The following POLR1A variants were observed in gnomAD, a reference collection of about 807,000 sequenced individuals.
The protein encoded by POLR1A is RNA polymerase I subunit A.
POLR1A carries 84 observed loss-of-function variants against 205.3 expected under a neutral mutation model. The ratio of observed to expected loss-of-function variants is 0.41; its 90% CI spans 0.34 to 0.49. The LOEUF (loss-of-function observed/expected upper bound fraction) is 0.49, where lower values mean the gene tolerates loss of function less well. Among genes scored for constraint, POLR1A ranks in the 20% least tolerant of loss-of-function variants. The pLI is 0.22. For synonymous variants in POLR1A, 799 were observed against 863.7 expected (o/e 0.93, Z 1.31); for missense variants, 1,645 against 2,204.5 (o/e 0.75, Z 5.08).
In POLR1A at chr2:86,027,370, C is replaced by T; in HGVS notation, c.*53G>A. On this transcript the variant is annotated 3_prime_UTR_variant, in exon 34 of 34. Transcript: ENST00000263857. ...CCTCTCATGCAGAAGGCAGGCTGGG[C>T]CACGCCCTCACCAAGGGTCCTTGGA... The T allele has an allele frequency of 6.9e-7, 1 of 1,442,238 alleles. No homozygotes were observed. The highest frequency in any genetic ancestry group is 2.3e-5 in the East Asian group (1 of 44,098). 89.3% of individuals were successfully genotyped at this position (1,442,238 alleles called of 1,614,324 possible). A position where few individuals can be genotyped will look rare whatever the true frequency, so the allele number is the denominator to read the frequency against.
rs141910515 is a variant in POLR1A, at chr2:86,059,865, C to T, written c.2058+5409G>A. 5.3e-3 allele frequency among the ~76,000 whole-genome samples: 811 copies of T among 152,168 alleles called. 9 individuals are homozygous for T. The highest frequency in any genetic ancestry group is 0.019 in the African/African-American group (770 of 41,522). Reference sequence around the variant, plus strand: ...ATAGGCATAATCCACCATGCCTGGCCTCATTCTTATTTATTTTCTATGAGA... The same window carrying T: ...ATAGGCATAATCCACCATGCCTGGCTTCATTCTTATTTATTTTCTATGAGA... On this transcript the variant is annotated intron_variant, in intron 14 of 33. Coordinates refer to ENST00000263857, the MANE Select transcript of POLR1A (RefSeq NM_015425.6).
chr2:86,039,278 T>C (rs377139727), intron 26 of POLR1A, 49 bp downstream of exon 26: 334 of 1,603,440 alleles, frequency 2.1e-4, no homozygotes, highest in Non-Finnish European at 2.5e-4. Flanking sequence ...GGGGAGGATA[T>C]AGGAACATGC....
At chr2:86,081,126 TG>T in intron 8 of POLR1A, 148 bp from the exon 9 acceptor site, 1 of 733,356 alleles carries the variant, frequency 1.4e-6, no homozygotes, top group South Asian at 1.9e-5. Flanking sequence ...CTGGGTGTGG[TG>T]GCTTAAGCCT....
At chr2:86,045,875 G>A (rs1233633128) in intron 19 of POLR1A, 106 bp from the exon 20 acceptor site, 6 of 979,594 alleles carry the variant, frequency 6.1e-6, no homozygotes, top group African/African-American at 1.7e-5. Flanking sequence ...AAGCTGCATG[G>A]AAACCGAGTT....
intron 27 of POLR1A, among the ~76,000 whole-genome samples, chr2:86,037,969 G>A (rs1186015442): frequency 1.3e-5 from 2 of 152,196 alleles, no homozygotes; most frequent in Non-Finnish European, 2.9e-5. Context: ...GTCACCTGCT[G>A]GGCTATGCAG....
rs200317834 is a variant in POLR1A, at chr2:86,088,608, T to C, written c.688A>G (p.Met230Val). The C allele has an allele frequency of 5.4e-5, 87 of 1,614,028 alleles. 1 individual carries two copies. Among genetic ancestry groups the C allele is most frequent in the Admixed American group, 2.5e-4 (15 of 60,030 alleles). The change falls in exon 6 of 34, where the codon ATG becomes GTG. Residue 230 changes from methionine to valine, a missense_variant. This residue lies in a region of POLR1A where 330 missense variants were observed against 375.6 expected (regional missense o/e 0.88). Coordinates refer to ENST00000263857, the MANE Select transcript of POLR1A (RefSeq NM_015425.6). ...TTCTGGCCAGCTGTCCTGTGCACCATGGCTGGAAACGTGATAGTCAACTTG... is the reference window on the plus strand; with the variant it reads ...TTCTGGCCAGCTGTCCTGTGCACCACGGCTGGAAACGTGATAGTCAACTTG... Reference protein sequence around the residue: ...NSKLTITFPAMVHRTAGQKDS... With the variant: ...NSKLTITFPAVVHRTAGQKDS...
At chr2:86,067,765 A>G (rs1051249171) in intron 13 of POLR1A, among the ~76,000 whole-genome samples, 7 of 152,220 alleles carry the variant, frequency 4.6e-5, no homozygotes, top group African/African-American at 1.7e-4. Context: ...TCTGCCAATA[A>G]AGACATGTTG....
chr2:86,081,105 C>T (rs1673393522), intron 8 of POLR1A, 127 bp from the exon 9 acceptor site: 2 of 840,144 alleles, frequency 2.4e-6, no homozygotes, highest in African/African-American at 1.7e-5. Context: ...CCTTCCTAAC[C>T]AACATTCCGG....
intron 1 of POLR1A, among the ~76,000 whole-genome samples, chr2:86,102,572 CCTTTCA>C (rs1219128479): frequency 1.3e-5 from 2 of 152,214 alleles, no homozygotes; most frequent in Non-Finnish European, 2.9e-5. Context: ...CATGGGTTGC[CCTTTCA>C]CTCTGCTGAC....
chr2:86,069,506 C>T (rs1031005327), intron 13 of POLR1A, among the ~76,000 whole-genome samples: 4 of 152,112 alleles, frequency 2.6e-5, no homozygotes, highest in Non-Finnish European at 5.9e-5. Flanking sequence ...AAGGGGTTGC[C>T]CTTGAGGAGT....
chr2:86,099,142 G>A (rs540474221), intron 2 of POLR1A, among the ~76,000 whole-genome samples: 2 of 152,202 alleles, frequency 1.3e-5, no homozygotes, highest in African/African-American at 4.8e-5. Flanking sequence ...TTGAGGCCAG[G>A]AGTTTGAGAC....
chr2:86,105,552 G>A, intron 1 of POLR1A, 148 bp downstream of exon 1: 2 of 600,178 alleles, frequency 3.3e-6, no homozygotes, highest in South Asian at 2.0e-5. Flanking sequence ...GCCCAGGAAC[G>A]TTCCCAGAAC....
At chr2:86,042,858 T>A (rs1470578857) in intron 23 of POLR1A, 116 bp downstream of exon 23, 1 of 765,592 alleles carries the variant, frequency 1.3e-6, no homozygotes, top group Non-Finnish European at 2.3e-6. Context: ...TGACTGACGG[T>A]GAACAAAGCT....
At chr2:86,086,203 C>T (rs1011647274) in intron 6 of POLR1A, among the ~76,000 whole-genome samples, 2 of 152,256 alleles carry the variant, frequency 1.3e-5, no homozygotes, top group South Asian at 4.1e-4. Context: ...GGATTACAGG[C>T]GTGCGCCACC....
rs987150756 is a variant in POLR1A, at chr2:86,028,413, G to A, written c.4897+181C>T. On this transcript the variant is annotated intron_variant, in intron 32 of 33. Transcript: ENST00000263857. This position sits in a 1 kb window ranked among gnomAD's most constrained non-coding sequence, Gnocchi z 4.5. ...TGAAGCGGTCTCAGTGATGGGAGAC[G>A]TCACCTCTTCACAGATCTGCAGTCT... is the stretch of plus-strand genomic sequence containing the variant. Among the ~76,000 whole-genome samples the A allele has an allele frequency of 2.6e-5, 4 of 152,168 alleles. No homozygotes were observed. Among genetic ancestry groups the A allele is most frequent in the Non-Finnish European group, 5.9e-5 (4 of 68,034 alleles).
chr2:86,045,844 G>T, intron 19 of POLR1A, 75 bp from the exon 20 acceptor site: 1 of 1,322,768 alleles, frequency 7.6e-7, no homozygotes, highest in Non-Finnish European at 1.1e-6. Context: ...AGCAGGGAAA[G>T]TATAATCTGA....
chr2:86,047,477 G>A (rs539704080), intron 18 of POLR1A, among the ~76,000 whole-genome samples: 12 of 152,296 alleles, frequency 7.9e-5, no homozygotes, highest in South Asian at 2.1e-4. Flanking sequence ...CCCTGCACTC[G>A]CTGGACTTCC....
At chr2:86,035,991 AG>A (rs1672486598) in intron 27 of POLR1A, among the ~76,000 whole-genome samples, 1 of 152,228 alleles carries the variant, frequency 6.6e-6, no homozygotes, top group African/African-American at 2.4e-5. Flanking sequence ...TGCCAAGAGC[AG>A]GGGAACTAAC....
At chr2:86,099,064 G>C (rs1026423215) in intron 2 of POLR1A, among the ~76,000 whole-genome samples, 1 of 152,018 alleles carries the variant, frequency 6.6e-6, no homozygotes, top group South Asian at 2.1e-4. Context: ...AGCCAGGTGC[G>C]GTGGCTCATG....
Sources: allele counts gnomAD v4.1 joint callset (sites outside exome capture counted in the v4.1 genomes callset), GRCh38; gene constraint gnomAD v4.1.1; regional missense constraint gnomAD v4.1.1; non-coding constraint Gnocchi (gnomAD v3.1); transcripts MANE v1.5; gene names NCBI Gene and HGNC (gene_info 2026-07-23, HGNC 2026-07-21).